The following PTPRD variants were observed in gnomAD, a reference collection of about 807,000 sequenced individuals.
PTPRD encodes the protein receptor-type tyrosine-protein phosphatase delta.
A neutral mutation model predicts 214.5 loss-of-function variants in PTPRD; 34 were observed. The ratio of observed to expected loss-of-function variants is 0.16; its 90% CI spans 0.12 to 0.21. PTPRD has a LOEUF of 0.21. Among genes scored for constraint, PTPRD ranks in the 10% least tolerant of loss-of-function variants. PTPRD has a pLI of 1.00. For missense variants in PTPRD, 2,545 were observed against 2,398.7 expected (o/e 1.06, Z -1.27); for synonymous variants, 1,128 against 845.7 (o/e 1.33, Z -5.79).
At chr9:9,032,989 G>A (rs887018841) in intron 10 of PTPRD, among the ~76,000 whole-genome samples, 1 of 152,042 alleles carries the variant, frequency 6.6e-6, no homozygotes, top group East Asian at 1.9e-4. Flanking sequence ...TGAAATGTGG[G>A]CTACATTATC....
intron 2 of PTPRD, among the ~76,000 whole-genome samples, chr9:10,351,486 A>G (rs1360593320): frequency 6.6e-6 from 1 of 152,024 alleles, no homozygotes; most frequent in Non-Finnish European, 1.5e-5. Flanking sequence ...CCATTAAGAA[A>G]ATATATTGTA....
At chr9:8,696,798 A>G (rs1162409990) in intron 12 of PTPRD, among the ~76,000 whole-genome samples, 1 of 152,214 alleles carries the variant, frequency 6.6e-6, no homozygotes, top group Non-Finnish European at 1.5e-5. Flanking sequence ...TACATTTTAA[A>G]TCCACATAAA....
chr9:9,904,558 G>T (rs1314964903), intron 5 of PTPRD, among the ~76,000 whole-genome samples: 2 of 152,026 alleles, frequency 1.3e-5, no homozygotes, highest in South Asian at 4.1e-4. Context: ...AATGGCCACA[G>T]TAATTTTTTT....
At chr9:10,437,062 A>G (rs530945835) in intron 2 of PTPRD, among the ~76,000 whole-genome samples, 1 of 151,680 alleles carries the variant, frequency 6.6e-6, no homozygotes, top group Non-Finnish European at 1.5e-5. Flanking sequence ...TCTTAGCACA[A>G]CAACTTGACC....
intron 11 of PTPRD, among the ~76,000 whole-genome samples, chr9:8,956,228 T>C (rs1386275509): frequency 1.3e-5 from 2 of 151,866 alleles, no homozygotes; most frequent in African/African-American, 4.8e-5. Flanking sequence ...ATACAGCATT[T>C]ATGCAGAGAA....
chr9:8,326,074 C>T (rs1314570924), intron 44 of PTPRD, among the ~76,000 whole-genome samples: 1 of 152,254 alleles, frequency 6.6e-6, no homozygotes, highest in East Asian at 1.9e-4. Flanking sequence ...TTTCTGTTGC[C>T]TGACTGCCTT....
chr9:10,345,754 A>G (rs1190046587), intron 2 of PTPRD, among the ~76,000 whole-genome samples: 1 of 152,190 alleles, frequency 6.6e-6, no homozygotes, highest in Non-Finnish European at 1.5e-5. Context: ...TAGTAGAATG[A>G]TTTGTAATCC....
chr9:8,780,074 G>A (rs1184083954), intron 11 of PTPRD, among the ~76,000 whole-genome samples: 1 of 145,140 alleles, frequency 6.9e-6, no homozygotes, highest in African/African-American at 2.5e-5. Flanking sequence ...CCAGTTCTGA[G>A]AATATCTGTA....
chr9:9,540,291 C>T (rs1001724025), intron 8 of PTPRD, among the ~76,000 whole-genome samples: 1 of 151,694 alleles, frequency 6.6e-6, no homozygotes, highest in African/African-American at 2.4e-5. Context: ...GTATAGGGTA[C>T]TATTCTTTGT....
chr9:8,695,814 C>A (rs889486978), intron 12 of PTPRD, among the ~76,000 whole-genome samples: 12 of 152,166 alleles, frequency 7.9e-5, no homozygotes, highest in Non-Finnish European at 1.5e-4. Context: ...TTTGCTTTCA[C>A]TTTGTTTTAG....
At chr9:10,507,749 T>C (rs943003010) in intron 2 of PTPRD, among the ~76,000 whole-genome samples, 2 of 152,128 alleles carry the variant, frequency 1.3e-5, no homozygotes, top group East Asian at 3.8e-4. Flanking sequence ...TAGCCATATG[T>C]AGAAAGCTGA....
intron 3 of PTPRD, among the ~76,000 whole-genome samples, chr9:10,162,653 ATATATACATGTATATG>A (rs1240067515): frequency 1.4e-5 from 2 of 147,994 alleles, no homozygotes; most frequent in South Asian, 2.1e-4. Flanking sequence ...ATATATACAC[ATATATACATGTATATG>A]TATATACATG....
At chr9:9,936,477 C>T (rs1425469494) in intron 5 of PTPRD, among the ~76,000 whole-genome samples, 4 of 150,034 alleles carry the variant, frequency 2.7e-5, no homozygotes, top group Admixed American at 6.6e-5. Flanking sequence ...TGAAAAAATG[C>T]TCACCATCAC....
intron 8 of PTPRD, among the ~76,000 whole-genome samples, chr9:9,425,617 G>C (rs779990478): frequency 6.6e-6 from 1 of 151,360 alleles, no homozygotes; most frequent in East Asian, 1.9e-4. Flanking sequence ...TAAGATCACA[G>C]GTACAGAGAA....
At chr9:10,117,170 G>A (rs563735938) in intron 3 of PTPRD, among the ~76,000 whole-genome samples, 1 of 152,046 alleles carries the variant, frequency 6.6e-6, no homozygotes, top group South Asian at 2.1e-4. Flanking sequence ...AAACATTTGT[G>A]CAACAAAAGA....
chr9:10,119,424 G>A (rs1367906440), intron 3 of PTPRD, among the ~76,000 whole-genome samples: 1 of 151,992 alleles, frequency 6.6e-6, no homozygotes, highest in Non-Finnish European at 1.5e-5. Context: ...ATTCTAGAGT[G>A]TAGTACATCT....
chr9:10,490,930 A>T (rs2039998550), intron 2 of PTPRD, among the ~76,000 whole-genome samples: 2 of 152,192 alleles, frequency 1.3e-5, no homozygotes, highest in Non-Finnish European at 2.9e-5. Context: ...AAGTGGGGTT[A>T]TAATCACTTT....
At chr9:10,510,762 G>A (rs577023229) in intron 2 of PTPRD, among the ~76,000 whole-genome samples, 87 of 152,160 alleles carry the variant, frequency 5.7e-4, no homozygotes, top group Non-Finnish European at 8.5e-4. Flanking sequence ...GTAAATTATT[G>A]TTAACTATAG....
chr9:8,618,834 C>G (rs920954436), intron 14 of PTPRD, among the ~76,000 whole-genome samples: 2 of 148,512 alleles, frequency 1.3e-5, no homozygotes, highest in African/African-American at 5.0e-5. Context: ...GGGGTTGAGA[C>G]TACAGGTGCA....
Sources: gnomAD v4.1 joint callset for allele counts (sites outside exome capture counted in the v4.1 genomes callset) on GRCh38, gnomAD v4.1.1 for gene constraint, MANE v1.5 for transcripts, NCBI Gene and HGNC (gene_info 2026-07-23, HGNC 2026-07-21) for gene names.